SSH2: variants seen among roughly 807,000 people sequenced by gnomAD.
SSH2 encodes the protein slingshot protein phosphatase 2, also known as protein phosphatase Slingshot homolog 2.
A neutral mutation model predicts 135.2 loss-of-function variants in SSH2; 37 were observed. That is an observed-to-expected ratio of 0.27 (90% CI 0.21 to 0.36). SSH2 has a LOEUF of 0.36. SSH2 is among the 10% of genes least tolerant of loss of function. SSH2 has a pLI of 1.00. For missense variants in SSH2, 1,408 were observed against 1,765.3 expected (o/e 0.80, Z 3.63); for synonymous variants, 628 against 646.2 (o/e 0.97, Z 0.43).
intron 3 of SSH2, among the ~76,000 whole-genome samples, chr17:29,703,398 C>T (rs758918581): frequency 6.6e-5 from 10 of 150,970 alleles, no homozygotes; most frequent in Non-Finnish European, 1.5e-4. Flanking sequence ...TACCGGCGCC[C>T]GCCACCACAC....
chr17:29,896,713 G>C (rs1435006709), intron 1 of SSH2, among the ~76,000 whole-genome samples: 1 of 151,120 alleles, frequency 6.6e-6, no homozygotes, highest in Non-Finnish European at 1.5e-5. Context: ...TGTATCATAT[G>C]TAAAATGCAG....
At chr17:29,884,994 T>C (rs557971687) in intron 1 of SSH2, among the ~76,000 whole-genome samples, 1 of 152,352 alleles carries the variant, frequency 6.6e-6, no homozygotes, top group East Asian at 1.9e-4. Flanking sequence ...TGGGTCAATC[T>C]GCATTTTTAC....
At chr17:29,635,579 T>C (rs977246391) in intron 15 of SSH2, among the ~76,000 whole-genome samples, 1 of 151,686 alleles carries the variant, frequency 6.6e-6, no homozygotes, top group Admixed American at 6.6e-5. Context: ...GGCTAATTTT[T>C]TGTATTTTTT....
At chr17:29,692,166 T>A (rs9893150) in intron 5 of SSH2, among the ~76,000 whole-genome samples, 62 of 145,498 alleles carry the variant, frequency 4.3e-4, no homozygotes, top group East Asian at 1.2e-3. Flanking sequence ...AAATAAAAAA[T>A]AAAAAAAAAA....
intron 1 of SSH2, among the ~76,000 whole-genome samples, chr17:29,913,353 TA>T (rs2066815679): frequency 1.0e-4 from 3 of 28,592 alleles, no homozygotes; most frequent in East Asian, 9.8e-4. Context: ...AAAAAATATA[TA>T]TATATATATA....
intron 3 of SSH2, among the ~76,000 whole-genome samples, chr17:29,738,523 G>C (rs1021895748): frequency 1.3e-5 from 2 of 151,166 alleles, no homozygotes; most frequent in Admixed American, 1.3e-4. Context: ...CTTCTCTGAG[G>C]CTTAATTTTC....
intron 2 of SSH2, among the ~76,000 whole-genome samples, chr17:29,818,660 T>C (rs1159046166): frequency 6.6e-6 from 1 of 152,182 alleles, no homozygotes; most frequent in Non-Finnish European, 1.5e-5. Flanking sequence ...GTACACCTGA[T>C]AGGAAGCCCC....
intron 1 of SSH2, among the ~76,000 whole-genome samples, chr17:29,877,645 CTCATT>C (rs2066058267): frequency 6.6e-6 from 1 of 151,896 alleles, no homozygotes; most frequent in Non-Finnish European, 1.5e-5. Flanking sequence ...ATCTTGTATT[CTCATT>C]TATTTATGGA....
At chr17:29,927,253 C>G (rs2067084222) in intron 1 of SSH2, among the ~76,000 whole-genome samples, 1 of 152,068 alleles carries the variant, frequency 6.6e-6, no homozygotes. Context: ...TCTTCAGGTA[C>G]CTACAGTATC....
intron 2 of SSH2, among the ~76,000 whole-genome samples, chr17:29,833,713 C>T (rs2042890345): frequency 1.0e-5 from 1 of 100,050 alleles, no homozygotes; most frequent in African/African-American, 3.9e-5. Context: ...CCCTCTCTTT[C>T]CCTCCTTCCC....
intron 1 of SSH2, among the ~76,000 whole-genome samples, chr17:29,900,722 G>A (rs1261254462): frequency 2.6e-5 from 4 of 152,128 alleles, no homozygotes; most frequent in East Asian, 1.9e-4. Context: ...TCAGTGTGGC[G>A]ATTCCTCAGG....
At chr17:29,710,822 C>CACCT (rs1162287070) in intron 3 of SSH2, among the ~76,000 whole-genome samples, 1 of 152,170 alleles carries the variant, frequency 6.6e-6, no homozygotes, top group African/African-American at 2.4e-5. Context: ...GTCAAAAGTA[C>CACCT]ACCTCTAGGT....
chr17:29,919,925 C>T (rs7222842), intron 1 of SSH2, among the ~76,000 whole-genome samples: 63,293 of 151,858 alleles, frequency 0.42, 15,156 homozygotes, highest in East Asian at 0.69. Context: ...TATTTATTTT[C>T]TGAGACGGAG....
chr17:29,843,321 G>A (rs1198495084), intron 2 of SSH2, among the ~76,000 whole-genome samples: 1 of 152,130 alleles, frequency 6.6e-6, no homozygotes, highest in African/African-American at 2.4e-5. Context: ...GATCACTTAA[G>A]GTCAGGAGTT....
intron 1 of SSH2, among the ~76,000 whole-genome samples, chr17:29,865,652 G>T (rs763548307): frequency 1.3e-5 from 2 of 152,184 alleles, no homozygotes; most frequent in Non-Finnish European, 2.9e-5. Context: ...ATGGGGTTTG[G>T]TTTCATTAAT....
chr17:29,762,654 A>C (rs2041350206), intron 3 of SSH2, among the ~76,000 whole-genome samples: 1 of 152,190 alleles, frequency 6.6e-6, no homozygotes, highest in Non-Finnish European at 1.5e-5. Flanking sequence ...TGTTCCTTCC[A>C]ATTCACTGAG....
At chr17:29,752,235 G>T (rs933359562) in intron 3 of SSH2, among the ~76,000 whole-genome samples, 2 of 152,068 alleles carry the variant, frequency 1.3e-5, no homozygotes, top group African/African-American at 4.8e-5. Flanking sequence ...AATAAAAATA[G>T]TTAGGACACT....
chr17:29,708,078 C>A (rs2039280578), intron 3 of SSH2, among the ~76,000 whole-genome samples: 1 of 152,040 alleles, frequency 6.6e-6, no homozygotes, highest in Non-Finnish European at 1.5e-5. Context: ...TTATAACCAC[C>A]ACCAGAGTTT....
intron 1 of SSH2, among the ~76,000 whole-genome samples, chr17:29,858,375 G>C (rs2065702932): frequency 6.6e-6 from 1 of 152,150 alleles, no homozygotes; most frequent in African/African-American, 2.4e-5. Flanking sequence ...CAGGATCTAG[G>C]GGAATGTTAC....
Sources: gnomAD v4.1 joint callset for allele counts (sites outside exome capture counted in the v4.1 genomes callset) on GRCh38, gnomAD v4.1.1 for gene constraint, MANE v1.5 for transcripts, NCBI Gene and HGNC (gene_info 2026-07-23, HGNC 2026-07-21) for gene names.